The following PRH1 variants were observed in gnomAD, a reference collection of about 807,000 sequenced individuals.
PRH1 encodes salivary acidic proline-rich phosphoprotein 1/2.
Under a neutral mutation model 7.9 loss-of-function variants are expected in PRH1, and 7 were observed. The observed-to-expected ratio is 0.89, with a 90% CI of 0.50 to 1.67. The LOEUF (loss-of-function observed/expected upper bound fraction) is 1.67. Ranked by LOEUF, PRH1 falls within the 40% of genes most tolerant of loss-of-function variation. The pLI is 0.00. For missense variants in PRH1, 109 were observed against 223.6 expected (o/e 0.49, Z 3.27); for synonymous variants, 45 against 80.8 (o/e 0.56, Z 2.38).
At chr12:11,037,812 G>A (rs1249582608) in intron 1 of PRH1, among the ~76,000 whole-genome samples, 2 of 152,238 alleles carry the variant, frequency 1.3e-5, no homozygotes, top group Non-Finnish European at 2.9e-5. Flanking sequence ...GGCTGAGGGA[G>A]GTGGATTGCC....
At chr12:11,047,515 C>A (rs200645041), upstream of PRH1, among the ~76,000 whole-genome samples, 186 of 84,778 alleles carry the variant, frequency 2.2e-3, 1 homozygote, top group Non-Finnish European at 3.9e-3. Flanking sequence ...ATGTCAATTT[C>A]AAAAAAAAAA....
intron 1 of PRH1, among the ~76,000 whole-genome samples, chr12:11,083,973 G>GA (rs1944589057): frequency 1.6e-5 from 1 of 60,778 alleles, no homozygotes; most frequent in African/African-American, 4.7e-5. Flanking sequence ...TCAACCTTCT[G>GA]GCCAACAGTT....
chr12:10,934,677 A>G (rs1950261591), intron 2 of PRH1, among the ~76,000 whole-genome samples: 2 of 152,128 alleles, frequency 1.3e-5, no homozygotes, highest in Non-Finnish European at 2.9e-5. Context: ...GTACTAATGA[A>G]TGGGCACATA....
At chr12:11,091,421 C>G in intron 1 of PRH1, 1 of 1,252,980 alleles carries the variant, frequency 8.0e-7, no homozygotes, top group Non-Finnish European at 1.1e-6. Context: ...TGAAGGATAG[C>G]TGAATCTAAT....
intron 1 of PRH1, among the ~76,000 whole-genome samples, chr12:11,090,606 A>C (rs1423055770): frequency 8.6e-6 from 1 of 116,862 alleles, no homozygotes; most frequent in Non-Finnish European, 2.0e-5. Context: ...TCACATATGA[A>C]ATCTAATATT....
chr12:11,075,078 T>C lies in PRH1; in HGVS notation n.124-27890A>G, dbSNP rs796680656. Among the ~76,000 whole-genome samples, 43 of 137,902 alleles carry C rather than the reference T, an allele frequency of 3.1e-4. 1 individual carries two copies. The highest frequency in any genetic ancestry group is 1.1e-3 in the African/African-American group (43 of 38,732). The allele number at this position is 137,902 out of a possible 152,430, so 90.5% of individuals were successfully genotyped here. A position where few individuals can be genotyped will look rare whatever the true frequency, so the allele number is the denominator to read the frequency against. Reference sequence around the variant, plus strand: ...TGCCTTCCCAAATAAATGTCATCACTGTAAACTCAGACACTGGCTCTAGTT... The same window carrying C: ...TGCCTTCCCAAATAAATGTCATCACCGTAAACTCAGACACTGGCTCTAGTT... On this transcript the variant is annotated intron_variant and non_coding_transcript_variant, in intron 1 of 4. Coordinates refer to the PRH1 transcript ENST00000541977.
chr12:10,934,853 G>A (rs182655232), intron 2 of PRH1, among the ~76,000 whole-genome samples: 4 of 152,180 alleles, frequency 2.6e-5, no homozygotes, highest in Admixed American at 2.6e-4. Context: ...GCATCATTGT[G>A]CATGTTTGCT....
intron 1 of PRH1, chr12:10,997,609 T>C: frequency 6.2e-7 from 1 of 1,614,038 alleles, no homozygotes; most frequent in Non-Finnish European, 8.5e-7. Flanking sequence ...GATTGGTTAC[T>C]GCCCAGGCAT....
At chr12:11,133,348 G>A in intron 1 of PRH1, 1 of 1,613,666 alleles carries the variant, frequency 6.2e-7, no homozygotes, top group Non-Finnish European at 8.5e-7. Flanking sequence ...CTTTCACCCA[G>A]TACCTCACAT....
At position 10,990,878 on chromosome 12, in the gene PRH1, C is replaced by T. The variant is rs150904555; in HGVS notation, c.-125-17157G>A. ...AGTTCTGAAAGAGAGAAAATGTTAA[C>T]TCCGTGTTTTTGGTCTAAGCATCTG... On this transcript the variant is annotated intron_variant, in intron 1 of 3. Transcript: ENST00000539853. 2.6e-3 allele frequency among the ~76,000 whole-genome samples: 397 copies of T among 152,274 alleles called. 2 individuals are homozygous for T. The highest frequency in any genetic ancestry group is 6.8e-3 in the Middle Eastern group (2 of 294).
chr12:11,005,030 C>T (rs939917439), intron 1 of PRH1, among the ~76,000 whole-genome samples: 15 of 152,016 alleles, frequency 9.9e-5, no homozygotes, highest in Non-Finnish European at 1.5e-4. Context: ...CCTTTAAGGT[C>T]CTGACATTAA....
intron 2 of PRH1, among the ~76,000 whole-genome samples, chr12:10,941,357 A>G (rs1950397136): frequency 6.6e-6 from 1 of 152,128 alleles, no homozygotes; most frequent in Admixed American, 6.5e-5. Flanking sequence ...AAAAATAATA[A>G]TTCCCACACA....
intron 2 of PRH1, among the ~76,000 whole-genome samples, chr12:10,921,429 GTT>G (rs1204530803): frequency 6.6e-6 from 1 of 151,930 alleles, no homozygotes; most frequent in Non-Finnish European, 1.5e-5. Context: ...TTTCAACTGA[GTT>G]TTTAAATTTT....
At chr12:10,942,100 C>T (rs1417362298) in intron 2 of PRH1, among the ~76,000 whole-genome samples, 1 of 152,080 alleles carries the variant, frequency 6.6e-6, no homozygotes, top group African/African-American at 2.4e-5. Context: ...ACTGTGGATA[C>T]CAGCACCTGT....
chr12:11,008,574 A>G (rs1227707676), intron 1 of PRH1, among the ~76,000 whole-genome samples: 2 of 152,106 alleles, frequency 1.3e-5, no homozygotes, highest in South Asian at 2.1e-4. Flanking sequence ...AAGGTATGCA[A>G]CCCTAAACTC....
At chr12:11,021,233 T>A (rs1318451364) in intron 1 of PRH1, among the ~76,000 whole-genome samples, 1 of 152,174 alleles carries the variant, frequency 6.6e-6, no homozygotes, top group Non-Finnish European at 1.5e-5. Flanking sequence ...TGATTTAAAA[T>A]TGAATGTCTT....
intron 1 of PRH1, chr12:10,997,531 T>G: frequency 6.2e-7 from 1 of 1,614,020 alleles, no homozygotes; most frequent in Non-Finnish European, 8.5e-7. Flanking sequence ...GAAAAATAAG[T>G]CTGGAGAAAT....
chr12:11,146,805 G>A (rs1946874477), intron 1 of PRH1, among the ~76,000 whole-genome samples: 2 of 152,002 alleles, frequency 1.3e-5, no homozygotes, highest in Non-Finnish European at 1.5e-5. Context: ...ACAATTTACT[G>A]CAAAAAACAC....
At chr12:11,059,396 A>G (rs1026310015) in intron 1 of PRH1, among the ~76,000 whole-genome samples, 2 of 152,208 alleles carry the variant, frequency 1.3e-5, no homozygotes, top group East Asian at 3.8e-4. Context: ...TTGATTTCTA[A>G]ATAAATGTCA....
Sources: gnomAD v4.1 joint callset for allele counts (sites outside exome capture counted in the v4.1 genomes callset) on GRCh38, gnomAD v4.1.1 for gene constraint, MANE v1.5 for transcripts, NCBI Gene and HGNC (gene_info 2026-07-23, HGNC 2026-07-21) for gene names.